Variants in KMT2B observed in about 807,000 individuals in gnomAD.
KMT2B encodes the protein histone-lysine N-methyltransferase 2B.
Under a neutral mutation model 255.3 loss-of-function variants are expected in KMT2B, and 22 were observed. The ratio of observed to expected loss-of-function variants is 0.09; its 90% CI spans 0.06 to 0.12. KMT2B has a LOEUF of 0.12. Among genes scored for constraint, KMT2B ranks in the 10% least tolerant of loss-of-function variants. The probability of loss-of-function intolerance (pLI) is 1.00; values close to 1 mark genes in which losing one functional copy is unlikely to be tolerated. For missense variants in KMT2B, 3,149 were observed against 3,737.0 expected (o/e 0.84, Z 4.10); for synonymous variants, 1,730 against 1,498.1 (o/e 1.15, Z -3.57).
Position 35,733,295 on chromosome 19 carries a change from T to G in KMT2B, c.6746T>G (p.Val2249Gly). 6.9e-7 allele frequency: 1 copy of G among 1,456,844 alleles called. No individual in the cohort carries two copies. Among genetic ancestry groups the G allele is most frequent in the Admixed American group, 2.0e-5 (1 of 49,590 alleles). The allele number at this position is 1,456,844 out of a possible 1,614,324, so 90.2% of individuals were successfully genotyped here. A position where few individuals can be genotyped will look rare whatever the true frequency, so the allele number is the denominator to read the frequency against. The change falls in exon 28 of 37, where the codon GTC (valine) becomes GGC (glycine). Residue 2249 changes from valine (V) to glycine (G), a missense_variant. Around this residue, in one of 18 missense-constraint regions of KMT2B, gnomAD observed 897 missense variants for 825.3 expected, o/e 1.09. Transcript: ENST00000420124. The surrounding 1 kb of genome is among the most constrained non-coding windows in gnomAD (Gnocchi z 4.3). ...LLGVLPVVGVVRPAPPPPPPP... is the reference protein window; with the variant it reads ...LLGVLPVVGVGRPAPPPPPPP... ...GGCGTGCTGCCCGTGGTCGGAGTGG[T>G]CCGCCCTGCCCCGCCCCCGCCACCC...
chr19:35,722,254 C>T (rs1000816894), intron 3 of KMT2B, 105 bp from the exon 4 acceptor site: 35 of 1,181,408 alleles, frequency 3.0e-5, no homozygotes, highest in Admixed American at 1.8e-4. Context: ...CTGCCCGTCT[C>T]GGCCTCCCAA....
In KMT2B at chr19:35,727,708, A is replaced by G; in HGVS notation, c.4313A>G (p.Asp1438Gly). The change falls in exon 17 of 37, where the codon GAT (aspartate) becomes GGT (glycine). Residue 1438 changes from aspartate to glycine, a missense_variant. By Grantham distance (94) the Asp-to-Gly change is moderately conservative. Coordinates refer to ENST00000420124, the MANE Select transcript of KMT2B (RefSeq NM_014727.3). The surrounding 1 kb of genome is among the most constrained non-coding windows in gnomAD (Gnocchi z 4.2). Reference protein sequence around the residue: ...PLLLCTQCGPDGKQLHPGPCG... With the variant: ...PLLLCTQCGPGGKQLHPGPCG... ...TTCCCCGCTTTGCAGTGTGGGCCAG[A>G]TGGGAAGCAACTGCACCCAGGACCC... 2 of 1,613,720 alleles carry G rather than the reference A, an allele frequency of 1.2e-6. No individual in the cohort carries two copies. Among genetic ancestry groups the G allele is most frequent in the Non-Finnish European group, 1.7e-6 (2 of 1,179,884 alleles).
chr19:35,733,820 C>T lies in KMT2B; in HGVS notation c.7107C>T (p.Val2369=). 6.2e-7 allele frequency: 1 copy of T among 1,613,736 alleles called. No individual in the cohort carries two copies. Among genetic ancestry groups the T allele is most frequent in the Non-Finnish European group, 8.5e-7 (1 of 1,179,734 alleles). Residue 2369 remains valine (V), a synonymous_variant, in exon 30 of 37, where the codon GTC becomes GTT. Transcript: ENST00000420124. The surrounding 1 kb of genome is among the most constrained non-coding windows in gnomAD (Gnocchi z 4.3). ...LPLPEDGPPQ[V]PDGPPDLLLE... ...TTCCGGAAGATGGTCCTCCCCAGGT[C>T]CCCGATGGTCCCCCAGACCTGCTGC...
Position 35,733,378 on chromosome 19 carries a change from C to A in KMT2B, c.6829C>A (p.Arg2277Ser). The A allele has an allele frequency of 6.5e-7, 1 of 1,549,684 alleles. No homozygotes were observed. Among genetic ancestry groups the A allele is most frequent in the Non-Finnish European group, 8.7e-7 (1 of 1,146,606 alleles). Residue 2277 changes from arginine (R) to serine (S), a missense_variant, in exon 28 of 37, where the codon CGC becomes AGC. By Grantham distance (110) the Arg-to-Ser change is moderately radical (BLOSUM62 -1). This residue lies in a region of KMT2B where 897 missense variants were observed against 825.3 expected (regional missense o/e 1.09). Coordinates refer to ENST00000420124, the MANE Select transcript of KMT2B (RefSeq NM_014727.3). This position sits in a 1 kb window ranked among gnomAD's most constrained non-coding sequence, Gnocchi z 4.3. ...AGCCAGCCCGCCCCGCCAGGCCATC[C>A]GCGTCAAGAGGGTGTCCACTTTCTC... ...GPASPPRQAIRVKRVSTFSGR... is the reference protein window; with the variant it reads ...GPASPPRQAISVKRVSTFSGR...
chr19:35,720,706 G>A lies in KMT2B; in HGVS notation c.1359G>A (p.Gln453=), dbSNP rs1362885354. 1 of 1,463,084 alleles carries A rather than the reference G, an allele frequency of 6.8e-7. No individual in the cohort carries two copies. The highest frequency in any genetic ancestry group is 9.0e-7 in the Non-Finnish European group (1 of 1,107,036). The allele number at this position is 1,463,084 out of a possible 1,614,324, so 90.6% of individuals were successfully genotyped here. The change falls in exon 3 of 37, where the codon CAG becomes CAA. Residue 453 remains glutamine, a synonymous_variant. Coordinates refer to ENST00000420124, the MANE Select transcript of KMT2B (RefSeq NM_014727.3). The part of the protein sequence containing the change: ...SPPPPPAQEE[Q]EESPPPVVPA... The stretch of plus-strand genomic sequence containing the variant: ...CACCGCCTCCTGCCCAAGAGGAGCA[G>A]GAGGAATCCCCTCCTCCTGTGGTCC...
Position 35,724,987 on chromosome 19 carries a change from A to G in KMT2B, c.3430-2A>G. 6.2e-7 allele frequency: 1 copy of G among 1,607,106 alleles called. No individual in the cohort carries two copies. Among genetic ancestry groups the G allele is most frequent in the Non-Finnish European group, 8.5e-7 (1 of 1,173,696 alleles). ...CTGAATTCCCCCACCTTTCCTCCCC[A>G]GGATGCTTTGGCCCCTGGCCCCTTT... On this transcript the variant is annotated splice_acceptor_variant, in intron 9 of 36. Transcript: ENST00000420124. LOFTEE classifies it high-confidence loss of function.
chr19:35,725,169 C>G lies in KMT2B; in HGVS notation c.3529-51C>G, dbSNP rs1969386323. 1 of 1,587,050 alleles carries G rather than the reference C, an allele frequency of 6.3e-7. No individual in the cohort carries two copies. ...TGTGTCATCGAGAAGCCAGGTGGGT[C>G]TGCCTTGTATGCCTGGCGGCCCTCT... On this transcript the variant is annotated intron_variant, in intron 10 of 36. Transcript: ENST00000420124. The surrounding 1 kb of genome is among the most constrained non-coding windows in gnomAD (Gnocchi z 4.1).
At position 35,718,500 on chromosome 19, in the gene KMT2B, C is replaced by T. The variant is rs1012220298; in HGVS notation, c.363+119C>T. On this transcript the variant is annotated intron_variant, in intron 1 of 36. Coordinates refer to ENST00000420124, the MANE Select transcript of KMT2B (RefSeq NM_014727.3). This position sits in a 1 kb window ranked among gnomAD's most constrained non-coding sequence, Gnocchi z 5.0. Reference sequence around the variant, plus strand: ...GGTCCTCAGGGTTCCTTCGGAGAGACGGGGCACGGAGGGAGGGCGGCTGCA... The same window carrying T: ...GGTCCTCAGGGTTCCTTCGGAGAGATGGGGCACGGAGGGAGGGCGGCTGCA... The T allele has an allele frequency of 1.4e-5, 16 of 1,125,970 alleles. 1 individual carries two copies. The South Asian group carries it at 2.7e-4, about 19-fold the overall frequency. The allele number at this position is 1,125,970 out of a possible 1,614,324, so 69.7% of individuals were successfully genotyped here. A position where few individuals can be genotyped will look rare whatever the true frequency, so the allele number is the denominator to read the frequency against.
Position 35,733,003 on chromosome 19 carries a change from C to A in KMT2B, c.6454C>A (p.Leu2152Met). Residue 2152 changes from leucine (L) to methionine (M), a missense_variant, in exon 28 of 37, where the codon CTG becomes ATG. Physicochemically the swap from Leu to Met is conservative, Grantham distance 15 (BLOSUM62 2). Transcript: ENST00000420124. This position sits in a 1 kb window ranked among gnomAD's most constrained non-coding sequence, Gnocchi z 4.3. ...LANGSQPSQG[L>M]TASPADPTRT... ...TAATGGCAGCCAGCCCTCCCAAGGC[C>A]TGACCGCCAGCCCAGCTGACCCCAC... is the stretch of plus-strand genomic sequence containing the variant. 6.3e-7 allele frequency: 1 copy of A among 1,597,812 alleles called. No individual in the cohort carries two copies. The highest frequency in any genetic ancestry group is 8.5e-7 in the Non-Finnish European group (1 of 1,172,908).
At chr19:35,722,843 T>C in intron 5 of KMT2B, 125 bp downstream of exon 5, 1 of 1,428,618 alleles carries the variant, frequency 7.0e-7, no homozygotes, top group African/African-American at 1.4e-5. Flanking sequence ...GCAAGTGGGC[T>C]GGAGTGCTAG....
At chr19:35,722,875 G>A in intron 5 of KMT2B, 120 bp from the exon 6 acceptor site, 6 of 1,415,310 alleles carry the variant, frequency 4.2e-6, no homozygotes. Context: ...ACTTCATTTG[G>A]GGGCACCAGG....
chr19:35,722,771 G>A, intron 5 of KMT2B, 53 bp downstream of exon 5: 2 of 1,533,630 alleles, frequency 1.3e-6, no homozygotes, highest in Non-Finnish European at 1.8e-6. Flanking sequence ...CCCCACACTT[G>A]GGTGACATGC....
In KMT2B at chr19:35,718,040, G is replaced by T; in HGVS notation, c.22G>T (p.Gly8Cys). 2 of 985,858 alleles carry T rather than the reference G, an allele frequency of 2.0e-6. No homozygotes were observed. Among genetic ancestry groups the T allele is most frequent in the East Asian group, 1.1e-4 (1 of 8,924 alleles). The allele number at this position is 985,858 out of a possible 1,614,324, so 61.1% of individuals were successfully genotyped here. A position where few individuals can be genotyped will look rare whatever the true frequency, so the allele number is the denominator to read the frequency against. ...CAAGATGGCGGCGGCGGCGGGCGGC[G>T]GCAGTTGCCCCGGGCCTGGCTCCGC... MAAAAGG[G>C]SCPGPGSARG... Residue 8 changes from glycine to cysteine, a missense_variant, in exon 1 of 37, where the codon GGC becomes TGC. By Grantham distance (159) the Gly-to-Cys change is radical. Transcript: ENST00000420124. This position sits in a 1 kb window ranked among gnomAD's most constrained non-coding sequence, Gnocchi z 5.0.
Position 35,732,700 on chromosome 19 carries a change from G to A in KMT2B, c.6151G>A (p.Ala2051Thr), listed in dbSNP as rs773621382. 9 of 1,608,690 alleles carry A rather than the reference G, an allele frequency of 5.6e-6. No homozygotes were observed. Among genetic ancestry groups the A allele is most frequent in the Non-Finnish European group, 6.8e-6 (8 of 1,177,960 alleles). The change falls in exon 28 of 37, where the codon GCT becomes ACT. Residue 2051 changes from alanine to threonine, a missense_variant. Around this residue, in one of 18 missense-constraint regions of KMT2B, gnomAD observed 897 missense variants for 825.3 expected, o/e 1.09. Transcript: ENST00000420124. ...GTCCGCCCCTGGTCTGGCCCCCAGC[G>A]CTACCCCTGGAGCCCCCCGCATTGA... The part of the protein sequence containing the change: ...VVSAPGLAPS[A>T]TPGAPRIEQL...
chr19:35,732,530 C>A lies in KMT2B; in HGVS notation c.5981C>A (p.Ala1994Glu). 1 of 1,613,926 alleles carries A rather than the reference C, an allele frequency of 6.2e-7. No homozygotes were observed. Among genetic ancestry groups the A allele is most frequent in the Non-Finnish European group, 8.5e-7 (1 of 1,179,876 alleles). The change falls in exon 28 of 37, where the codon GCG (alanine) becomes GAG (glutamate). Residue 1994 changes from alanine to glutamate, a missense_variant. Ala to Glu is a moderately radical substitution (Grantham distance 107). Around this residue, in one of 18 missense-constraint regions of KMT2B, gnomAD observed 897 missense variants for 825.3 expected, o/e 1.09. Coordinates refer to ENST00000420124, the MANE Select transcript of KMT2B (RefSeq NM_014727.3). ...CTGAGTGCTGCTGACCTGGACTTCG[C>A]GGCCAGCCTGCTGGGGACTGAGCCC... ...SGLSAADLDF[A>E]ASLLGTEPFQ...
rs1450121966 is a variant in KMT2B at position 35,733,367 on chromosome 19, G to A, written c.6818G>A (p.Arg2273His). Residue 2273 changes from arginine to histidine, a missense_variant, in exon 28 of 37, where the codon CGC becomes CAC. By Grantham distance (29) the Arg-to-His change is conservative. This residue lies in a region of KMT2B where 897 missense variants were observed against 825.3 expected (regional missense o/e 1.09). Coordinates refer to ENST00000420124, the MANE Select transcript of KMT2B (RefSeq NM_014727.3). This position sits in a 1 kb window ranked among gnomAD's most constrained non-coding sequence, Gnocchi z 4.3. Reference sequence around the variant, plus strand: ...AGCAGTGGGCCAGCCAGCCCGCCCCGCCAGGCCATCCGCGTCAAGAGGGTG... The same window carrying A: ...AGCAGTGGGCCAGCCAGCCCGCCCCACCAGGCCATCCGCGTCAAGAGGGTG... ...VLSSGPASPP[R>H]QAIRVKRVST... 13 of 1,291,406 alleles carry A rather than the reference G, an allele frequency of 1.0e-5. No individual in the cohort carries two copies. The highest frequency in any genetic ancestry group is 5.9e-5 in the East Asian group (1 of 17,050). 80.0% of individuals were successfully genotyped at this position (1,291,406 alleles called of 1,614,324 possible).
Position 35,732,396 on chromosome 19 carries a change from A to C in KMT2B, c.5847A>C (p.Thr1949=). Residue 1949 remains threonine (T), a synonymous_variant, in exon 28 of 37, where the codon ACA becomes ACC. Transcript: ENST00000420124. ...TGCCCCCTCCTACCTCAGTCGTCAC[A>C]GCCCTCACACCTACCTCAGGGGAGC... is the stretch of plus-strand genomic sequence containing the variant. ...LRVPPPTSVV[T]ALTPTSGELA... The C allele has an allele frequency of 1.9e-6, 3 of 1,613,248 alleles. No homozygotes were observed. Among genetic ancestry groups the C allele is most frequent in the Non-Finnish European group, 1.7e-6 (2 of 1,179,520 alleles).
intron 30 of KMT2B, among the ~76,000 whole-genome samples, chr19:35,734,668 C>G (rs534625060): frequency 6.6e-6 from 1 of 151,928 alleles, no homozygotes; most frequent in East Asian, 1.9e-4. Flanking sequence ...GGGTGGAGGC[C>G]CCTGGAGGAG....
At chr19:35,734,710 TG>T (rs1312338839) in intron 30 of KMT2B, among the ~76,000 whole-genome samples, 4 of 151,944 alleles carry the variant, frequency 2.6e-5, no homozygotes, top group Non-Finnish European at 5.9e-5. Context: ...AAGCTGGCGG[TG>T]GAGTGGTGGA....
Sources: allele counts gnomAD v4.1 joint callset (sites outside exome capture counted in the v4.1 genomes callset), GRCh38; gene constraint gnomAD v4.1.1; regional missense constraint gnomAD v4.1.1; non-coding constraint Gnocchi (gnomAD v3.1); transcripts MANE v1.5; gene names NCBI Gene and HGNC (gene_info 2026-07-23, HGNC 2026-07-21).